PRDM7: variants seen among roughly 807,000 people sequenced by gnomAD.
PRDM7 encodes the protein histone-lysine N-methyltransferase PRDM7.
PRDM7 carries 52 observed loss-of-function variants against 64.3 expected under a neutral mutation model. The observed-to-expected ratio is 0.81, with a 90% CI of 0.65 to 1.02. The LOEUF is 1.02. Among genes scored for constraint, PRDM7 ranks in the 50% least tolerant of loss-of-function variants. The pLI is 0.00. For synonymous variants in PRDM7, 192 were observed against 210.1 expected (o/e 0.91, Z 0.74); for missense variants, 574 against 597.1 (o/e 0.96, Z 0.40).
Position 90,060,464 on chromosome 16 carries a change from A to G in PRDM7, c.1110T>C (p.Ser370=). 6.2e-7 allele frequency: 1 copy of G among 1,613,378 alleles called. No individual in the cohort carries two copies. Among genetic ancestry groups the G allele is most frequent in the Non-Finnish European group, 8.5e-7 (1 of 1,179,762 alleles). The change falls in exon 10 of 11, where the codon TCT becomes TCC. Residue 370 remains serine (S), a synonymous_variant. Transcript: ENST00000449207. ...EYGQELGIRS[S]IEPAESLGQA... is the part of the protein sequence containing the mutation. ...GGCCTAATGACTCGGCAGGTTCTAT[A>G]GAAGATCTGATGCCCAGTTCCTGGC...
intron 5 of PRDM7, among the ~76,000 whole-genome samples, chr16:90,064,399 A>G (rs1192977300): frequency 6.8e-6 from 1 of 146,120 alleles, no homozygotes; most frequent in Non-Finnish European, 1.5e-5. Context: ...GTTGGCATAC[A>G]TGGTTTTGTT....
In PRDM7 at chr16:90,075,915, C is replaced by T; in HGVS notation, c.-5G>A. ...TTGGGACCTTTCAGGGCTCATGGTG[C>T]TGGGACTGTCTAGAAGGCCCTGCTC... On this transcript the variant is annotated 5_prime_UTR_variant, in exon 2 of 11. Coordinates refer to ENST00000449207, the MANE Select transcript of PRDM7 (RefSeq NM_001098173.2). The surrounding 1 kb of genome is among the most constrained non-coding windows in gnomAD (Gnocchi z 4.3). 1 of 1,613,430 alleles carries T rather than the reference C, an allele frequency of 6.2e-7. No homozygotes were observed. Among genetic ancestry groups the T allele is most frequent in the Non-Finnish European group, 8.5e-7 (1 of 1,179,696 alleles).
chr16:90,069,420 A>G (rs2037925360), intron 4 of PRDM7, among the ~76,000 whole-genome samples: 1 of 151,468 alleles, frequency 6.6e-6, no homozygotes, highest in Admixed American at 6.6e-5. Context: ...GAAAACACAG[A>G]GGAAAAGCTT....
At chr16:90,065,525 A>T (rs1402548924) in intron 5 of PRDM7, among the ~76,000 whole-genome samples, 1 of 151,128 alleles carries the variant, frequency 6.6e-6, no homozygotes, top group Non-Finnish European at 1.5e-5. Flanking sequence ...GCTTGAGCCC[A>T]GGAGTTCAAG....
At position 90,065,408 on chromosome 16, in the gene PRDM7, A is replaced by G. The variant is rs1226376867; in HGVS notation, c.351+1453T>C. 4.7e-4 allele frequency among the ~76,000 whole-genome samples: 70 copies of G among 148,530 alleles called. 1 individual carries two copies. The highest frequency in any genetic ancestry group is 1.4e-3 in the African/African-American group (56 of 39,474). ...AACTCTGTCTGAAAAAAAAAAAAAA[A>G]AAAGAAAGAAAAGAAAAGAAAAGAA... is the stretch of plus-strand genomic sequence containing the variant. On this transcript the variant is annotated intron_variant, in intron 5 of 10. Coordinates refer to ENST00000449207, the MANE Select transcript of PRDM7 (RefSeq NM_001098173.2).
chr16:90,065,951 G>A (rs1275726739), intron 5 of PRDM7, among the ~76,000 whole-genome samples: 2 of 151,070 alleles, frequency 1.3e-5, no homozygotes, highest in East Asian at 3.9e-4. Context: ...GAAGAATCAG[G>A]AAGGGACTAG....
Position 90,058,225 on chromosome 16 carries a change from C to T in PRDM7, c.*64G>A. On this transcript the variant is annotated 3_prime_UTR_variant, in exon 11 of 11. Coordinates refer to ENST00000449207, the MANE Select transcript of PRDM7 (RefSeq NM_001098173.2). ...CATTCTTTCTCCCACTCTAGAGCTC[C>T]CCATTTGTCCTTTGGGTGGGCTAGA... is the stretch of plus-strand genomic sequence containing the variant. 1 of 1,614,148 alleles carries T rather than the reference C, an allele frequency of 6.2e-7. No individual in the cohort carries two copies. Among genetic ancestry groups the T allele is most frequent in the Non-Finnish European group, 8.5e-7 (1 of 1,180,016 alleles).
intron 4 of PRDM7, 48 bp from the exon 5 acceptor site, chr16:90,066,958 A>G: frequency 1.3e-6 from 2 of 1,493,058 alleles, no homozygotes; most frequent in Non-Finnish European, 1.9e-6. Flanking sequence ...ATGTTTCCAA[A>G]CTCTAGAGAT....
In PRDM7 at chr16:90,062,072, G is replaced by A. The variant is rs768340642; in HGVS notation, c.731C>T (p.Pro244Leu). 139 of 1,614,210 alleles carry A rather than the reference G, an allele frequency of 8.6e-5. No individual in the cohort carries two copies. Among genetic ancestry groups the A allele is most frequent in the Admixed American group, 2.0e-4 (12 of 60,026 alleles). Residue 244 changes from proline (P) to leucine (L), a missense_variant, in exon 8 of 11, where the codon CCG (proline) becomes CTG (leucine). Physicochemically the swap from Pro to Leu is moderately conservative, Grantham distance 98 (BLOSUM62 -3). Coordinates refer to ENST00000449207, the MANE Select transcript of PRDM7 (RefSeq NM_001098173.2). The stretch of plus-strand genomic sequence containing the variant: ...GCCTGATGGCCCAATTCTCAGCCCC[G>A]GGGGCAGACTGAGGGCTGAACGGTT... ...HPNRSALSLPPGLRIGPSGIP... is the reference protein window; with the variant it reads ...HPNRSALSLPLGLRIGPSGIP...
At chr16:90,064,183 AG>A (rs2037832175) in intron 5 of PRDM7, among the ~76,000 whole-genome samples, 1 of 152,244 alleles carries the variant, frequency 6.6e-6, no homozygotes, top group Non-Finnish European at 1.5e-5. Context: ...GTAATAGGGC[AG>A]TAAGGTTCGG....
Position 90,062,030 on chromosome 16 carries a change from A to G in PRDM7, c.773T>C (p.Leu258Pro). 2 of 1,614,220 alleles carry G rather than the reference A, an allele frequency of 1.2e-6. No homozygotes were observed. Among genetic ancestry groups the G allele is most frequent in the Middle Eastern group, 1.6e-4 (1 of 6,062 alleles). ...ATCAGATGCCTCGTTCCATACTCCA[A>G]GCCCAGCCTGAGGGATGCCTGATGG... is the stretch of plus-strand genomic sequence containing the variant. Reference protein sequence around the residue: ...IGPSGIPQAGLGVWNEASDLP... With the variant: ...IGPSGIPQAGPGVWNEASDLP... The change falls in exon 8 of 11, where the codon CTT (leucine) becomes CCT (proline). Residue 258 changes from leucine (L) to proline (P), a missense_variant. Physicochemically the swap from Leu to Pro is moderately conservative, Grantham distance 98. Transcript: ENST00000449207.
At chr16:90,059,019 A>G (rs1449615695) in intron 10 of PRDM7, among the ~76,000 whole-genome samples, 1 of 152,230 alleles carries the variant, frequency 6.6e-6, no homozygotes, top group African/African-American at 2.4e-5. Flanking sequence ...TAAGAGGGGA[A>G]AAGGATCTAT....
chr16:90,062,635 C>T, intron 6 of PRDM7, 133 bp from the exon 7 acceptor site: 1 of 846,810 alleles, frequency 1.2e-6, no homozygotes, highest in Non-Finnish European at 2.0e-6. Flanking sequence ...CCTCTGTTTA[C>T]TGCTTCAGAG....
chr16:90,061,818 T>C, intron 8 of PRDM7, 103 bp downstream of exon 8: 1 of 1,548,092 alleles, frequency 6.5e-7, no homozygotes, highest in South Asian at 1.2e-5. Flanking sequence ...GAGCTAACCA[T>C]GTTATCCCTA....
At chr16:90,068,837 C>T in intron 4 of PRDM7, among the ~76,000 whole-genome samples, 1 of 150,974 alleles carries the variant, frequency 6.6e-6, no homozygotes, top group East Asian at 1.9e-4. Flanking sequence ...CTGAAAACTA[C>T]AAAACAGTGC....
chr16:90,056,756 G>C lies in PRDM7; in HGVS notation c.*1533C>G, dbSNP rs1051116082. ...GGGGCTGCATGCACCGATGGTCAGA[G>C]TGGAACAGAACAGACCGGGAAGTTT... is the stretch of plus-strand genomic sequence containing the variant. On this transcript the variant is annotated 3_prime_UTR_variant, in exon 11 of 11. Transcript: ENST00000449207. 2.0e-5 allele frequency: 3 copies of C among 152,238 alleles called. No homozygotes were observed. Among genetic ancestry groups the C allele is most frequent in the African/African-American group, 7.2e-5 (3 of 41,438 alleles). 9.4% of individuals were successfully genotyped at this position (152,238 alleles called of 1,614,324 possible).
intron 5 of PRDM7, among the ~76,000 whole-genome samples, chr16:90,066,081 G>A (rs1049863986): frequency 6.6e-6 from 1 of 151,364 alleles, no homozygotes; most frequent in African/African-American, 2.5e-5. Context: ...CTACAGGAAT[G>A]AGCATTTGAA....
chr16:90,063,638 G>A lies in PRDM7; in HGVS notation c.482C>T (p.Ser161Phe). The part of the protein sequence containing the change: ...PVSPPGEAST[S>F]GQHSRLKLEL... ...CAGTTTTAGTCTAGAGTGCTGTCCA[G>A]AGGTACTTGCTTCTCCAGGAGGGGA... The change falls in exon 6 of 11, where the codon TCT (serine) becomes TTT (phenylalanine). Residue 161 changes from serine (S) to phenylalanine (F), a missense_variant. Ser to Phe is a radical substitution (Grantham distance 155). Coordinates refer to ENST00000449207, the MANE Select transcript of PRDM7 (RefSeq NM_001098173.2). 3 of 1,613,808 alleles carry A rather than the reference G, an allele frequency of 1.9e-6. No individual in the cohort carries two copies. Among genetic ancestry groups the A allele is most frequent in the Non-Finnish European group, 1.7e-6 (2 of 1,180,020 alleles).
In PRDM7 at chr16:90,075,613, A is replaced by C; in HGVS notation, c.70-139T>G. The C allele has an allele frequency of 6.8e-7, 1 of 1,475,230 alleles. No individual in the cohort carries two copies. Among genetic ancestry groups the C allele is most frequent in the African/African-American group, 1.4e-5 (1 of 71,858 alleles). The allele number at this position is 1,475,230 out of a possible 1,614,324, so 91.4% of individuals were successfully genotyped here. On this transcript the variant is annotated intron_variant, in intron 2 of 10. Coordinates refer to ENST00000449207, the MANE Select transcript of PRDM7 (RefSeq NM_001098173.2). This position sits in a 1 kb window ranked among gnomAD's most constrained non-coding sequence, Gnocchi z 4.3. ...ATAAAGACCTTCCCTCCTTCTCCAG[A>C]TTGTGTCCTGTTTAACTGAGCAGAC...
Sources: allele counts gnomAD v4.1 joint callset (sites outside exome capture counted in the v4.1 genomes callset), GRCh38; gene constraint gnomAD v4.1.1; non-coding constraint Gnocchi (gnomAD v3.1); transcripts MANE v1.5; gene names NCBI Gene and HGNC (gene_info 2026-07-23, HGNC 2026-07-21).